HS3ST2: variants seen among roughly 807,000 people sequenced by gnomAD.
HS3ST2 encodes the protein heparan sulfate glucosamine 3-O-sulfotransferase 2.
A neutral mutation model predicts 26.3 loss-of-function variants in HS3ST2; 17 were observed. The ratio of observed to expected loss-of-function variants is 0.65; its 90% CI spans 0.44 to 0.97. The LOEUF is 0.97. HS3ST2 is among the 50% of genes least tolerant of loss of function. The probability of loss-of-function intolerance (pLI) is 0.00; values close to 1 mark genes in which losing one functional copy is unlikely to be tolerated. For synonymous variants in HS3ST2, 237 were observed against 219.2 expected (o/e 1.08, Z -0.72); for missense variants, 402 against 501.2 (o/e 0.80, Z 1.89).
At chr16:22,836,471 T>C (rs1901256343) in intron 1 of HS3ST2, among the ~76,000 whole-genome samples, 1 of 152,256 alleles carries the variant, frequency 6.6e-6, no homozygotes, top group South Asian at 2.1e-4. Context: ...TTAAGTCTTA[T>C]AACTGTATCA....
chr16:22,893,028 C>T (rs1902150841), intron 1 of HS3ST2, among the ~76,000 whole-genome samples: 2 of 152,302 alleles, frequency 1.3e-5, no homozygotes, highest in Non-Finnish European at 2.9e-5. Flanking sequence ...GAGTTGTCTA[C>T]ACATTATAGA....
Position 22,876,288 on chromosome 16 carries a change from G to A in HS3ST2, c.486-38656G>A, listed in dbSNP as rs377223656. 5.9e-5 allele frequency among the ~76,000 whole-genome samples: 9 copies of A among 151,828 alleles called. No individual in the cohort carries two copies. The South Asian group carries it at 1.9e-3, about 32-fold the overall frequency. The stretch of plus-strand genomic sequence containing the variant: ...TAATCTCATCAAAAAGTGGGCTAAG[G>A]ACATGCACAGACAATTCTCGAAAAA... On this transcript the variant is annotated intron_variant, in intron 1 of 1. Coordinates refer to ENST00000261374, the MANE Select transcript of HS3ST2 (RefSeq NM_006043.2).
intron 1 of HS3ST2, among the ~76,000 whole-genome samples, chr16:22,841,824 A>G (rs9924086): frequency 0.019 from 2,835 of 152,204 alleles, 78 homozygotes; most frequent in African/African-American, 0.061. Context: ...TATTTTTTAA[A>G]TGAAAATGTC....
chr16:22,914,892 G>T, intron 1 of HS3ST2, 52 bp from the exon 2 acceptor site: 1 of 1,552,684 alleles, frequency 6.4e-7, no homozygotes, highest in East Asian at 2.2e-5. Context: ...CTGGGCCTGA[G>T]GCCTGGCCCC....
intron 1 of HS3ST2, among the ~76,000 whole-genome samples, chr16:22,848,789 C>G (rs546039452): frequency 6.6e-6 from 1 of 152,170 alleles, no homozygotes; most frequent in Non-Finnish European, 1.5e-5. Context: ...TAACTTAACA[C>G]GAGGCTCTAT....
At chr16:22,837,165 C>T (rs538728017) in intron 1 of HS3ST2, among the ~76,000 whole-genome samples, 5 of 150,072 alleles carry the variant, frequency 3.3e-5, no homozygotes, top group African/African-American at 1.2e-4. Context: ...CCTCTAAAGT[C>T]AGACTGTCCT....
intron 1 of HS3ST2, among the ~76,000 whole-genome samples, chr16:22,825,630 T>C (rs1163151628): frequency 1.3e-5 from 2 of 152,128 alleles, no homozygotes. Flanking sequence ...TGGATAGAGA[T>C]GTTTTTGGTT....
chr16:22,907,904 G>T (rs1596633436), intron 1 of HS3ST2, among the ~76,000 whole-genome samples: 1 of 152,174 alleles, frequency 6.6e-6, no homozygotes, highest in East Asian at 1.9e-4. Flanking sequence ...TTGGGAGGCT[G>T]AGGTGGATGG....
intron 1 of HS3ST2, among the ~76,000 whole-genome samples, chr16:22,914,718 CAG>C (rs1212823605): frequency 9.6e-6 from 1 of 103,928 alleles, no homozygotes; most frequent in African/African-American, 3.9e-5. Context: ...GCCTGGGCGA[CAG>C]AGTGAGACCT....
intron 1 of HS3ST2, among the ~76,000 whole-genome samples, chr16:22,907,472 T>A (rs2238489): frequency 0.034 from 5,151 of 151,972 alleles, 131 homozygotes; most frequent in Middle Eastern, 0.075. Context: ...TGAGGAAGAG[T>A]TGACAAGGGC....
intron 1 of HS3ST2, among the ~76,000 whole-genome samples, chr16:22,838,022 G>GT (rs1337398652): frequency 6.6e-6 from 1 of 150,434 alleles, no homozygotes; most frequent in African/African-American, 2.5e-5. Context: ...TTCTATGTAA[G>GT]TGAAAAAAAA....
At chr16:22,871,431 G>C (rs1053092891) in intron 1 of HS3ST2, among the ~76,000 whole-genome samples, 6 of 151,934 alleles carry the variant, frequency 3.9e-5, no homozygotes, top group Non-Finnish European at 5.9e-5. Context: ...TAAGTGTTCT[G>C]AGCATATTTA....
At chr16:22,858,104 G>A (rs1189902113) in intron 1 of HS3ST2, among the ~76,000 whole-genome samples, 42 of 151,954 alleles carry the variant, frequency 2.8e-4, no homozygotes, top group Non-Finnish European at 1.6e-4. Context: ...ATTTTAGAAA[G>A]AATGAATAAG....
rs1470583355 is a variant in HS3ST2 at position 22,882,606 on chromosome 16, C to A, written c.486-32338C>A. Among the ~76,000 whole-genome samples, 4 of 152,124 alleles carry A rather than the reference C, an allele frequency of 2.6e-5. No individual in the cohort carries two copies. The East Asian group carries it at 5.8e-4, about 22-fold the overall frequency. Reference sequence around the variant, plus strand: ...AAAATTAGCCGGGCATGGTGGCATGCGCCTATAGTCCCAGCTACTCAGGAG... The same window carrying A: ...AAAATTAGCCGGGCATGGTGGCATGAGCCTATAGTCCCAGCTACTCAGGAG... On this transcript the variant is annotated intron_variant, in intron 1 of 1. Coordinates refer to ENST00000261374, the MANE Select transcript of HS3ST2 (RefSeq NM_006043.2).
chr16:22,831,805 G>A (rs962725941), intron 1 of HS3ST2, among the ~76,000 whole-genome samples: 3 of 152,120 alleles, frequency 2.0e-5, no homozygotes, highest in Non-Finnish European at 2.9e-5. Context: ...GCGGGGAGGG[G>A]TGGCCACAAG....
intron 1 of HS3ST2, among the ~76,000 whole-genome samples, chr16:22,900,910 T>C (rs1275169136): frequency 2.0e-5 from 3 of 152,186 alleles, no homozygotes; most frequent in Non-Finnish European, 4.4e-5. Flanking sequence ...TGCAGCTTTA[T>C]TCCAAGAACT....
intron 1 of HS3ST2, among the ~76,000 whole-genome samples, chr16:22,889,479 G>A (rs561362126): frequency 1.3e-5 from 2 of 152,130 alleles, no homozygotes; most frequent in Admixed American, 1.3e-4. Context: ...AGCATTTTGA[G>A]TGCCAATATG....
At chr16:22,828,064 G>A (rs1901116030) in intron 1 of HS3ST2, among the ~76,000 whole-genome samples, 1 of 152,082 alleles carries the variant, frequency 6.6e-6, no homozygotes, top group Non-Finnish European at 1.5e-5. Context: ...TGACAGGCTG[G>A]AGTCTGAACC....
intron 1 of HS3ST2, among the ~76,000 whole-genome samples, chr16:22,893,094 G>A (rs1292524022): frequency 6.6e-6 from 1 of 152,324 alleles, no homozygotes; most frequent in Admixed American, 6.5e-5. Flanking sequence ...TAACTTTAAT[G>A]AGACTCGTAG....
Sources: allele counts gnomAD v4.1 joint callset (sites outside exome capture counted in the v4.1 genomes callset), GRCh38; gene constraint gnomAD v4.1.1; transcripts MANE v1.5; gene names NCBI Gene and HGNC (gene_info 2026-07-23, HGNC 2026-07-21).